CHL1: variants seen among roughly 807,000 people sequenced by gnomAD.
The protein encoded by CHL1 is neural cell adhesion molecule L1-like protein.
A neutral mutation model predicts 141.9 loss-of-function variants in CHL1; 96 were observed. The observed-to-expected ratio is 0.68, with a 90% CI of 0.57 to 0.80. CHL1 has a LOEUF of 0.80. CHL1 is among the 30% of genes least tolerant of loss of function. CHL1 has a pLI of 0.00. For missense variants in CHL1, 1,820 were observed against 1,457.2 expected (o/e 1.25, Z -4.05); for synonymous variants, 613 against 502.2 (o/e 1.22, Z -2.95).
intron 14 of CHL1, among the ~76,000 whole-genome samples, chr3:365,391 G>C (rs978820083): frequency 1.3e-5 from 2 of 152,112 alleles, no homozygotes; most frequent in African/African-American, 4.8e-5. Flanking sequence ...ACTATGTATT[G>C]AATGCCTACG....
chr3:266,402 C>CT (rs969046102), intron 2 of CHL1, among the ~76,000 whole-genome samples: 13 of 152,094 alleles, frequency 8.5e-5, no homozygotes, highest in African/African-American at 3.1e-4. Flanking sequence ...TAGAAGGGGG[C>CT]TGGGGACTCA....
intron 1 of CHL1, among the ~76,000 whole-genome samples, chr3:214,283 G>A (rs1700128689): frequency 6.6e-6 from 1 of 152,104 alleles, no homozygotes; most frequent in Admixed American, 6.6e-5. Context: ...CCCTTCTAGG[G>A]CCTGGTTTTC....
intron 1 of CHL1, among the ~76,000 whole-genome samples, chr3:225,976 T>G (rs1015706592): frequency 6.6e-6 from 1 of 151,192 alleles, no homozygotes; most frequent in Non-Finnish European, 1.5e-5. Flanking sequence ...ACCAGTGCAC[T>G]TCAGCCCGGG....
At chr3:245,764 G>C (rs1178070499) in intron 2 of CHL1, among the ~76,000 whole-genome samples, 1 of 152,046 alleles carries the variant, frequency 6.6e-6, no homozygotes, top group Non-Finnish European at 1.5e-5. Context: ...AGCATACCTG[G>C]TTCCTGGTAA....
chr3:370,486 T>C lies in CHL1; in HGVS notation c.1751+4371T>C, dbSNP rs544775672. Among the ~76,000 whole-genome samples, 5 of 152,190 alleles carry C rather than the reference T, an allele frequency of 3.3e-5. No individual in the cohort carries two copies. The East Asian group carries it at 9.7e-4, about 29-fold the overall frequency. Reference sequence around the variant, plus strand: ...ATTGTGTCTATTTGATACTTCTCTCTTTTCTTCTTTATCAGTCTAGCTAGT... The same window carrying C: ...ATTGTGTCTATTTGATACTTCTCTCCTTTCTTCTTTATCAGTCTAGCTAGT... On this transcript the variant is annotated intron_variant, in intron 15 of 27. Coordinates refer to ENST00000256509, the MANE Select transcript of CHL1 (RefSeq NM_006614.4).
rs558899264 is a variant in CHL1, at chr3:396,562, G to A, written c.3095-1665G>A. On this transcript the variant is annotated intron_variant, in intron 24 of 27. Coordinates refer to ENST00000256509, the MANE Select transcript of CHL1 (RefSeq NM_006614.4). ...GAAATTGTTTTTGGAGGATGAAAGT[G>A]CTGTTCATGTGATTTTACAGGTGAT... 9.9e-5 allele frequency among the ~76,000 whole-genome samples: 15 copies of A among 152,222 alleles called. No homozygotes were observed. The East Asian group carries it at 2.7e-3, about 27-fold the overall frequency.
chr3:280,711 C>G (rs1696563966), intron 2 of CHL1, among the ~76,000 whole-genome samples: 1 of 152,038 alleles, frequency 6.6e-6, no homozygotes, highest in South Asian at 2.1e-4. Flanking sequence ...ACCTTTTTCT[C>G]TGAGAAGGAG....
At chr3:287,922 C>G (rs929306302) in intron 2 of CHL1, among the ~76,000 whole-genome samples, 1 of 142,158 alleles carries the variant, frequency 7.0e-6, no homozygotes. Flanking sequence ...TGCGCCATCA[C>G]GCCAGGCTAA....
chr3:287,134 G>A lies in CHL1; in HGVS notation c.-94-32549G>A, dbSNP rs758165523. On this transcript the variant is annotated intron_variant, in intron 2 of 27. Transcript: ENST00000256509. ...CCCCATTCAAGATGGAGTTGCTCTGGTTCAAACGCCTCTGACATTTTCATT... is the reference window on the plus strand; with the variant it reads ...CCCCATTCAAGATGGAGTTGCTCTGATTCAAACGCCTCTGACATTTTCATT... Among the ~76,000 whole-genome samples the A allele has an allele frequency of 2.6e-5, 4 of 152,038 alleles. No homozygotes were observed. The South Asian group carries it at 6.2e-4, about 24-fold the overall frequency.
rs566623005 is a variant in CHL1 at position 399,598 on chromosome 3, C to T, written c.3385+450C>T. 1.8e-4 allele frequency among the ~76,000 whole-genome samples: 27 copies of T among 152,176 alleles called. No homozygotes were observed. In the South Asian group the frequency reaches 5.6e-3, roughly 32 times the overall value. ...GAGTTTGCAGTGAGCTGAGATCATGCCACTGTACTTCAGCTTGGGCGACAA... is the reference window on the plus strand; with the variant it reads ...GAGTTTGCAGTGAGCTGAGATCATGTCACTGTACTTCAGCTTGGGCGACAA... On this transcript the variant is annotated intron_variant, in intron 26 of 27. Coordinates refer to ENST00000256509, the MANE Select transcript of CHL1 (RefSeq NM_006614.4).
At chr3:389,869 G>A (rs911156999) in intron 20 of CHL1, among the ~76,000 whole-genome samples, 1 of 152,116 alleles carries the variant, frequency 6.6e-6, no homozygotes. Flanking sequence ...GGCTTCAGTG[G>A]CATGTCTGGA....
At chr3:383,308 A>G (rs189042086) in intron 18 of CHL1, among the ~76,000 whole-genome samples, 118 of 152,328 alleles carry the variant, frequency 7.7e-4, no homozygotes, top group African/African-American at 2.7e-3. Context: ...TATTTCTAAT[A>G]AAACGAATCC....
intron 1 of CHL1, among the ~76,000 whole-genome samples, chr3:220,891 G>A (rs1451352280): frequency 2.6e-5 from 4 of 152,112 alleles, no homozygotes; most frequent in Non-Finnish European, 4.4e-5. Context: ...CCACACCTTC[G>A]AAAGTCTGAT....
intron 22 of CHL1, 39 bp downstream of exon 22, chr3:391,198 G>A (rs938378787): frequency 6.9e-6 from 10 of 1,447,076 alleles, no homozygotes; most frequent in African/African-American, 5.6e-5. Context: ...CAAAAATGGA[G>A]GTGATCCATG....
chr3:390,011 C>A (rs1006681646), intron 20 of CHL1, among the ~76,000 whole-genome samples: 2 of 152,170 alleles, frequency 1.3e-5, no homozygotes, highest in African/African-American at 4.8e-5. Context: ...TTCTGTATTG[C>A]TAATACTGTG....
Position 351,922 on chromosome 3 carries a change from T to G in CHL1, c.1033+2379T>G, listed in dbSNP as rs141061663. 1.9e-3 allele frequency among the ~76,000 whole-genome samples: 290 copies of G among 151,356 alleles called. 1 individual carries two copies. Among genetic ancestry groups the G allele is most frequent in the Admixed American group, 3.6e-3 (55 of 15,264 alleles). On this transcript the variant is annotated intron_variant, in intron 10 of 27. Coordinates refer to ENST00000256509, the MANE Select transcript of CHL1 (RefSeq NM_006614.4). ...ATTACACATTCAATAAAAAGAGATA[T>G]ATTATAGTGACATCTAAAACAGTCT...
chr3:276,787 G>T (rs1696161993), intron 2 of CHL1, among the ~76,000 whole-genome samples: 2 of 151,530 alleles, frequency 1.3e-5, no homozygotes, highest in South Asian at 4.2e-4. Context: ...TACTCAGGAG[G>T]CTGAGGCAGG....
chr3:244,040 T>A (rs1301942308), intron 1 of CHL1, among the ~76,000 whole-genome samples: 5 of 152,184 alleles, frequency 3.3e-5, no homozygotes. Context: ...ATTGGTTGAA[T>A]CAGTCTCCTC....
chr3:380,129 A>T (rs1372326809), intron 16 of CHL1, among the ~76,000 whole-genome samples: 1 of 152,226 alleles, frequency 6.6e-6, no homozygotes, highest in Non-Finnish European at 1.5e-5. Flanking sequence ...AGCTTCAGAA[A>T]TCAGTGGACT....
Sources: gnomAD v4.1 joint callset for allele counts (sites outside exome capture counted in the v4.1 genomes callset) on GRCh38, gnomAD v4.1.1 for gene constraint, MANE v1.5 for transcripts, NCBI Gene and HGNC (gene_info 2026-07-23, HGNC 2026-07-21) for gene names.